ZC3H7B: variants seen among roughly 807,000 people sequenced by gnomAD.
ZC3H7B encodes zinc finger CCCH-type containing 7B.
Under a neutral mutation model 116.0 loss-of-function variants are expected in ZC3H7B, and 35 were observed. The observed-to-expected ratio is 0.30, with a 90% CI of 0.23 to 0.40. The LOEUF is 0.40. Ranked by LOEUF, ZC3H7B falls within the 10% of genes least tolerant of loss-of-function variation. The pLI is 1.00. For missense variants in ZC3H7B, 1,011 were observed against 1,321.5 expected, an observed-to-expected ratio of 0.77 and a Z score of 3.64; for synonymous variants, 502 against 545.6, an observed-to-expected ratio of 0.92 and a Z score of 1.11.
chr22:41,355,149 G>C (rs117934233), intron 17 of ZC3H7B, among the ~76,000 whole-genome samples: 1 of 152,178 alleles, frequency 6.6e-6, no homozygotes, highest in African/African-American at 2.4e-5. Context: ...GAAGGGCAGC[G>C]GGAACAGCCT....
chr22:41,327,214 T>C lies in ZC3H7B; in HGVS notation c.294T>C (p.Tyr98=). The part of the protein sequence containing the change: ...RAACYFTMGL[Y]EKALEDSEKA... Reference sequence around the variant, plus strand: ...ATGCTCCTCTCTGGCAGGGCCTGTATGAGAAGGCGCTGGAGGACAGCGAGA... The same window carrying C: ...ATGCTCCTCTCTGGCAGGGCCTGTACGAGAAGGCGCTGGAGGACAGCGAGA... The change falls in exon 5 of 23, where the codon TAT becomes TAC. Residue 98 remains tyrosine (Y), a synonymous_variant. Coordinates refer to ENST00000352645, the MANE Select transcript of ZC3H7B (RefSeq NM_017590.6). The surrounding 1 kb of genome is among the most constrained non-coding windows in gnomAD (Gnocchi z 4.5). 1.2e-6 allele frequency: 2 copies of C among 1,613,880 alleles called. No individual in the cohort carries two copies. The highest frequency in any genetic ancestry group is 1.7e-6 in the Non-Finnish European group (2 of 1,180,000).
At chr22:41,343,727 C>T (rs2036551802) in intron 13 of ZC3H7B, 151 bp downstream of exon 13, 6 of 1,136,822 alleles carry the variant, frequency 5.3e-6, no homozygotes. Context: ...CTCCTGGGGC[C>T]CGTGCAGGAT....
Position 41,302,071 on chromosome 22 carries a change from CG to C in ZC3H7B, c.-7+300del, listed in dbSNP as rs2145887925. On this transcript the variant is annotated intron_variant, in intron 1 of 22. Coordinates refer to ENST00000352645, the MANE Select transcript of ZC3H7B (RefSeq NM_017590.6). This position sits in a 1 kb window ranked among gnomAD's most constrained non-coding sequence, Gnocchi z 5.7. ...GCACCTGGCGCTGGGGAGACTTGGC[CG>C]CCCCTGCAGCCCCCAGGAGGTGTCT... Among the ~76,000 whole-genome samples, 1 of 152,244 alleles carries C rather than the reference CG, an allele frequency of 6.6e-6. No homozygotes were observed. Among genetic ancestry groups the C allele is most frequent in the Non-Finnish European group, 1.5e-5 (1 of 67,998 alleles).
intron 1 of ZC3H7B, among the ~76,000 whole-genome samples, chr22:41,304,234 T>C (rs2145891020): frequency 6.6e-6 from 1 of 151,928 alleles, no homozygotes; most frequent in Admixed American, 6.6e-5. Flanking sequence ...TTTCTTTCTT[T>C]CTTTTTTTTT....
chr22:41,317,509 GC>G (rs1388965576), intron 1 of ZC3H7B, among the ~76,000 whole-genome samples: 1 of 152,112 alleles, frequency 6.6e-6, no homozygotes, highest in East Asian at 1.9e-4. Flanking sequence ...GAATTTTCTG[GC>G]TGGGCGCAGT....
intron 12 of ZC3H7B, among the ~76,000 whole-genome samples, chr22:41,343,145 C>G (rs1256405769): frequency 6.6e-6 from 1 of 152,140 alleles, no homozygotes; most frequent in East Asian, 1.9e-4. Flanking sequence ...TGCACTCCAG[C>G]CTGGGTGACT....
intron 17 of ZC3H7B, among the ~76,000 whole-genome samples, chr22:41,353,384 G>A (rs1292603474): frequency 6.6e-6 from 1 of 152,214 alleles, no homozygotes; most frequent in African/African-American, 2.4e-5. Context: ...TCACCCCCAG[G>A]CGGGGATCAG....
At chr22:41,326,400 C>T (rs1471812154) in intron 4 of ZC3H7B, among the ~76,000 whole-genome samples, 1 of 151,350 alleles carries the variant, frequency 6.6e-6, no homozygotes, top group African/African-American at 2.4e-5. Context: ...AGCCTCCTCA[C>T]TGTTCCTCCC....
chr22:41,304,879 C>T (rs940136106), intron 1 of ZC3H7B, among the ~76,000 whole-genome samples: 69 of 152,204 alleles, frequency 4.5e-4, no homozygotes, highest in African/African-American at 1.6e-3. Flanking sequence ...TCCAGGCCTT[C>T]TTGACTCTTG....
chr22:41,312,589 C>T (rs941614940), intron 1 of ZC3H7B, among the ~76,000 whole-genome samples: 1 of 151,678 alleles, frequency 6.6e-6, no homozygotes, highest in African/African-American at 2.4e-5. Context: ...GACCCTGCCT[C>T]TAAAATAATA....
chr22:41,344,253 C>T (rs953202777), intron 13 of ZC3H7B, among the ~76,000 whole-genome samples: 1 of 152,182 alleles, frequency 6.6e-6, no homozygotes, highest in South Asian at 2.1e-4. Flanking sequence ...TGCCTCTCCC[C>T]CAACCTGGCC....
At chr22:41,323,102 G>T (rs934784783) in intron 2 of ZC3H7B, among the ~76,000 whole-genome samples, 1 of 152,170 alleles carries the variant, frequency 6.6e-6, no homozygotes, top group South Asian at 2.1e-4. Flanking sequence ...GGTGTCCTGC[G>T]CTGGGCTGAT....
At chr22:41,303,552 T>G (rs1235643573) in intron 1 of ZC3H7B, among the ~76,000 whole-genome samples, 1 of 152,192 alleles carries the variant, frequency 6.6e-6, no homozygotes, top group Admixed American at 6.5e-5. Context: ...CAAAAGGGCT[T>G]TCACATGTGT....
chr22:41,322,247 G>A (rs1196356765), intron 2 of ZC3H7B, among the ~76,000 whole-genome samples: 1 of 151,740 alleles, frequency 6.6e-6, no homozygotes, highest in Non-Finnish European at 1.5e-5. Flanking sequence ...GAACGCAGTG[G>A]TGCGATCTCG....
In ZC3H7B at chr22:41,339,912, G is replaced by A. The variant is rs1471163776; in HGVS notation, c.913G>A (p.Val305Met). Reference protein sequence around the residue: ...FPGGTPLLPPVVGGSIPVSSP... With the variant: ...FPGGTPLLPPMVGGSIPVSSP... The stretch of plus-strand genomic sequence containing the variant: ...CGGCGGGACCCCACTGCTACCACCT[G>A]TGGTGGGTGGCTCCATCCCTGTCTC... The change falls in exon 10 of 23, where the codon GTG becomes ATG. Residue 305 changes from valine to methionine, a missense_variant. Coordinates refer to ENST00000352645, the MANE Select transcript of ZC3H7B (RefSeq NM_017590.6). 1 of 1,613,774 alleles carries A rather than the reference G, an allele frequency of 6.2e-7. No individual in the cohort carries two copies. Among genetic ancestry groups the A allele is most frequent in the South Asian group, 1.1e-5 (1 of 91,076 alleles).
chr22:41,356,095 C>A, intron 20 of ZC3H7B, 33 bp downstream of exon 20: 1 of 1,531,958 alleles, frequency 6.5e-7, no homozygotes, highest in South Asian at 1.3e-5. Flanking sequence ...CGGGCCCTCC[C>A]CCGGTGTCTC....
chr22:41,302,375 G>A lies in ZC3H7B; in HGVS notation c.-7+603G>A, dbSNP rs1373429195. Among the ~76,000 whole-genome samples the A allele has an allele frequency of 6.6e-6, 1 of 152,056 alleles. No homozygotes were observed. Among genetic ancestry groups the A allele is most frequent in the African/African-American group, 2.4e-5 (1 of 41,432 alleles). On this transcript the variant is annotated intron_variant, in intron 1 of 22. Coordinates refer to ENST00000352645, the MANE Select transcript of ZC3H7B (RefSeq NM_017590.6). The surrounding 1 kb of genome is among the most constrained non-coding windows in gnomAD (Gnocchi z 5.7). ...GCAGCCGGGCCCGCGGGAAGGGGGC[G>A]GCAGGAAAGGGGGGCGCGGTCTGGG...
intron 2 of ZC3H7B, among the ~76,000 whole-genome samples, chr22:41,323,469 G>T (rs993753625): frequency 6.6e-6 from 1 of 152,216 alleles, no homozygotes; most frequent in Non-Finnish European, 1.5e-5. Context: ...CCCCTACGGG[G>T]TCATTGTGAA....
At chr22:41,304,615 G>A (rs2036016547) in intron 1 of ZC3H7B, among the ~76,000 whole-genome samples, 1 of 152,180 alleles carries the variant, frequency 6.6e-6, no homozygotes, top group African/African-American at 2.4e-5. Context: ...AGGCTACCTG[G>A]AAAAGTTAGA....
Sources: gnomAD v4.1 joint callset for allele counts (sites outside exome capture counted in the v4.1 genomes callset) on GRCh38, gnomAD v4.1.1 for gene constraint, Gnocchi (gnomAD v3.1) non-coding constraint, MANE v1.5 for transcripts, NCBI Gene and HGNC (gene_info 2026-07-23, HGNC 2026-07-21) for gene names.